SLC10A7: variants seen among roughly 807,000 people sequenced by gnomAD.
The protein encoded by SLC10A7 is solute carrier family 10 member 7.
In SLC10A7, 29 loss-of-function variants were observed where a neutral mutation model predicts 43.2. The ratio of observed to expected loss-of-function variants is 0.67; its 90% CI spans 0.50 to 0.92. The LOEUF (loss-of-function observed/expected upper bound fraction) is 0.92. Among genes scored for constraint, SLC10A7 ranks in the 40% least tolerant of loss-of-function variants. The pLI, the probability that SLC10A7 is intolerant of heterozygous loss-of-function variation, is 0.00. For missense variants in SLC10A7, 295 were observed against 403.2 expected (o/e 0.73, Z 2.30); for synonymous variants, 152 against 144.8 (o/e 1.05, Z -0.35).
chr4:146,385,429 T>A (rs1487649414), intron 5 of SLC10A7, among the ~76,000 whole-genome samples: 2 of 152,170 alleles, frequency 1.3e-5, no homozygotes, highest in Non-Finnish European at 2.9e-5. Flanking sequence ...TCTCTAACTC[T>A]TAAGAGGTTC....
chr4:146,407,307 T>A (rs1727789368), intron 5 of SLC10A7, among the ~76,000 whole-genome samples: 1 of 152,232 alleles, frequency 6.6e-6, no homozygotes, highest in African/African-American at 2.4e-5. Context: ...ACACCCATGA[T>A]ACCATCACCA....
chr4:146,433,223 G>A lies in SLC10A7; in HGVS notation c.435+9560C>T, dbSNP rs1427312165. Among the ~76,000 whole-genome samples the A allele has an allele frequency of 2.4e-4, 35 of 145,186 alleles. 1 individual carries two copies. Among genetic ancestry groups the A allele is most frequent in the Admixed American group, 2.1e-3 (30 of 14,538 alleles). Reference sequence around the variant, plus strand: ...GTCGCCCAGGCTGGAGTGCAGTGGCGTGATCTCAGCTCACTGCAACCTCTG... The same window carrying A: ...GTCGCCCAGGCTGGAGTGCAGTGGCATGATCTCAGCTCACTGCAACCTCTG... On this transcript the variant is annotated intron_variant, in intron 5 of 11. Transcript: ENST00000335472.
chr4:146,347,118 T>C (rs1734678573), intron 5 of SLC10A7, among the ~76,000 whole-genome samples: 1 of 151,746 alleles, frequency 6.6e-6, no homozygotes, highest in Admixed American at 6.6e-5. Flanking sequence ...CAGAGAAGGG[T>C]AGAGGTGGAA....
intron 5 of SLC10A7, among the ~76,000 whole-genome samples, chr4:146,377,542 C>G (rs1327593062): frequency 6.6e-6 from 1 of 152,174 alleles, no homozygotes; most frequent in Non-Finnish European, 1.5e-5. Context: ...TCTCAAGTCC[C>G]ATGATAAGGT....
intron 5 of SLC10A7, among the ~76,000 whole-genome samples, chr4:146,364,934 TA>T (rs1052230802): frequency 1.3e-5 from 2 of 151,892 alleles, no homozygotes; most frequent in Non-Finnish European, 2.9e-5. Flanking sequence ...AAGTTAAAAA[TA>T]AAAAAATTTA....
intron 9 of SLC10A7, among the ~76,000 whole-genome samples, chr4:146,289,706 G>GTTTTTTTTTTTTTTTTTTTT (rs776153195): frequency 1.1e-5 from 1 of 88,072 alleles, no homozygotes; most frequent in Non-Finnish European, 2.2e-5. Flanking sequence ...CTGATTATTA[G>GTTTTTTTTTTTTTTTTTTTT]TTTTTTTTTT....
intron 5 of SLC10A7, among the ~76,000 whole-genome samples, chr4:146,391,943 C>A (rs905600532): frequency 3.3e-5 from 5 of 152,148 alleles, no homozygotes; most frequent in Non-Finnish European, 7.3e-5. Context: ...TTTCATTATG[C>A]GTCTCAGGAA....
chr4:146,323,191 C>T (rs1732856913), intron 6 of SLC10A7, among the ~76,000 whole-genome samples: 1 of 152,134 alleles, frequency 6.6e-6, no homozygotes, highest in African/African-American at 2.4e-5. Context: ...ATGGTAGTTT[C>T]TTTTGCTGTG....
chr4:146,454,661 C>T (rs1437862604), intron 4 of SLC10A7, among the ~76,000 whole-genome samples: 1 of 151,864 alleles, frequency 6.6e-6, no homozygotes, highest in African/African-American at 2.4e-5. Context: ...GAGGCTCTCT[C>T]TTTAATCTTT....
intron 5 of SLC10A7, among the ~76,000 whole-genome samples, chr4:146,415,802 C>T (rs1286118521): frequency 6.6e-6 from 1 of 152,232 alleles, no homozygotes; most frequent in African/African-American, 2.4e-5. Context: ...ATATCTACCA[C>T]AAAATTATTT....
chr4:146,287,339 C>T (rs75355260), intron 9 of SLC10A7, among the ~76,000 whole-genome samples: 1 of 152,008 alleles, frequency 6.6e-6, no homozygotes, highest in Non-Finnish European at 1.5e-5. Context: ...GAGAGAAATA[C>T]CTGATGAACA....
At chr4:146,502,309 T>C (rs1736495054) in intron 4 of SLC10A7, among the ~76,000 whole-genome samples, 1 of 152,342 alleles carries the variant, frequency 6.6e-6, no homozygotes, top group East Asian at 1.9e-4. Context: ...CTGGTTGGAA[T>C]GTAAAACTGT....
chr4:146,363,201 G>C (rs536579780), intron 5 of SLC10A7, among the ~76,000 whole-genome samples: 2 of 152,214 alleles, frequency 1.3e-5, no homozygotes, highest in African/African-American at 2.4e-5. Context: ...AATGAATAAA[G>C]AGCAGGAGTA....
At chr4:146,508,520 C>T (rs1737140546) in intron 3 of SLC10A7, among the ~76,000 whole-genome samples, 1 of 152,114 alleles carries the variant, frequency 6.6e-6, no homozygotes, top group Admixed American at 6.5e-5. Flanking sequence ...TTCCACCATG[C>T]CTCCTAACCT....
intron 4 of SLC10A7, among the ~76,000 whole-genome samples, chr4:146,491,899 G>A (rs1161910065): frequency 3.3e-5 from 5 of 152,144 alleles, no homozygotes; most frequent in Non-Finnish European, 7.3e-5. Context: ...GCACTAAACA[G>A]GATGTTCTCA....
intron 5 of SLC10A7, among the ~76,000 whole-genome samples, chr4:146,351,418 C>A (rs961370765): frequency 6.6e-6 from 1 of 151,922 alleles, no homozygotes; most frequent in Admixed American, 6.6e-5. Context: ...ATTGGTGTAC[C>A]TGAAAGTGAT....
At chr4:146,514,030 C>T (rs904449846) in intron 2 of SLC10A7, 5 of 152,152 alleles carry the variant, frequency 3.3e-5, no homozygotes, top group African/African-American at 1.2e-4. Context: ...TTGCTTAAAA[C>T]CAGGGCTCTA....
At chr4:146,495,029 T>C (rs563262896) in intron 4 of SLC10A7, among the ~76,000 whole-genome samples, 1 of 152,334 alleles carries the variant, frequency 6.6e-6, no homozygotes, top group Non-Finnish European at 1.5e-5. Flanking sequence ...GTAGATACAG[T>C]AGAAGAGTAG....
chr4:146,362,690 G>A (rs1439272128), intron 5 of SLC10A7, among the ~76,000 whole-genome samples: 1 of 149,162 alleles, frequency 6.7e-6, no homozygotes, highest in African/African-American at 2.4e-5. Flanking sequence ...ATAAGATATA[G>A]AGACAACAAA....
Sources: allele counts gnomAD v4.1 joint callset (sites outside exome capture counted in the v4.1 genomes callset), GRCh38; gene constraint gnomAD v4.1.1; transcripts MANE v1.5; gene names NCBI Gene and HGNC (gene_info 2026-07-23, HGNC 2026-07-21).